The following RASSF9 variants were observed in gnomAD, a reference collection of about 807,000 sequenced individuals.
RASSF9 encodes Ras association domain family member 9.
RASSF9 carries 18 observed loss-of-function variants against 21.4 expected under a neutral mutation model. The observed-to-expected ratio is 0.84, with a 90% CI of 0.58 to 1.25. The LOEUF is 1.25. Ranked by LOEUF, RASSF9 falls within the 50% of genes most tolerant of loss-of-function variation. RASSF9 has a pLI of 0.00. For synonymous variants in RASSF9, 183 were observed against 179.1 expected (o/e 1.02, Z -0.18); for missense variants, 480 against 503.2 (o/e 0.95, Z 0.44).
intron 1 of RASSF9, among the ~76,000 whole-genome samples, chr12:85,818,223 A>T (rs187179883): frequency 8.5e-5 from 13 of 152,356 alleles, no homozygotes; most frequent in Non-Finnish European, 4.4e-5. Flanking sequence ...TAAATGCTTT[A>T]TGCATATAAA....
chr12:85,820,625 A>C (rs1880185671), intron 1 of RASSF9, among the ~76,000 whole-genome samples: 1 of 152,222 alleles, frequency 6.6e-6, no homozygotes, highest in South Asian at 2.1e-4. Flanking sequence ...TGCTAACAAG[A>C]AATTAAATAA....
intron 1 of RASSF9, among the ~76,000 whole-genome samples, chr12:85,806,213 A>T (rs1879830038): frequency 6.8e-6 from 1 of 147,352 alleles, no homozygotes; most frequent in Non-Finnish European, 1.5e-5. Context: ...GGCCCGGCTA[A>T]TTTTTTTTTT....
chr12:85,806,108 G>A, intron 1 of RASSF9, 146 bp from the exon 2 acceptor site: 58 of 795,428 alleles, frequency 7.3e-5, no homozygotes, highest in Non-Finnish European at 9.6e-5. Context: ...GTGCAGTGGT[G>A]CGGTCTCAGC....
At chr12:85,809,412 ATT>A (rs1039770850) in intron 1 of RASSF9, among the ~76,000 whole-genome samples, 12 of 151,998 alleles carry the variant, frequency 7.9e-5, no homozygotes, top group African/African-American at 2.9e-4. Flanking sequence ...GTGTGCAGAA[ATT>A]GTTCTCTTCT....
chr12:85,803,597 A>G lies in RASSF9; in HGVS notation c.*1105T>C, dbSNP rs1209460797. ...AAGAAAGCACATTTCTAATTAAAAC[A>G]CAAGCATAGTAGGCCATAATAATGA... On this transcript the variant is annotated 3_prime_UTR_variant, in exon 2 of 2. Transcript: ENST00000361228. 1 of 152,182 alleles carries G rather than the reference A, an allele frequency of 6.6e-6. No individual in the cohort carries two copies. Among genetic ancestry groups the G allele is most frequent in the Non-Finnish European group, 1.5e-5 (1 of 68,012 alleles). 9.4% of individuals were successfully genotyped at this position (152,182 alleles called of 1,614,324 possible). A position where few individuals can be genotyped will look rare whatever the true frequency, so the allele number is the denominator to read the frequency against.
chr12:85,816,974 C>G (rs1880083412), intron 1 of RASSF9, among the ~76,000 whole-genome samples: 1 of 151,882 alleles, frequency 6.6e-6, no homozygotes, highest in Non-Finnish European at 1.5e-5. Context: ...ATGCCAAGTT[C>G]GGAAATAGAG....
chr12:85,807,953 T>A (rs1323497342), intron 1 of RASSF9, among the ~76,000 whole-genome samples: 1 of 152,122 alleles, frequency 6.6e-6, no homozygotes, highest in Non-Finnish European at 1.5e-5. Flanking sequence ...TATGATGGTA[T>A]AACAGTTTTG....
intron 1 of RASSF9, among the ~76,000 whole-genome samples, chr12:85,824,312 A>G (rs1364743251): frequency 6.6e-6 from 1 of 152,124 alleles, no homozygotes; most frequent in African/African-American, 2.4e-5. Flanking sequence ...GTTTTCCTAA[A>G]CACTTTCCTT....
At position 85,802,465 on chromosome 12, in the gene RASSF9, A is replaced by T. The variant is rs184188154; in HGVS notation, c.*2237T>A. On this transcript the variant is annotated 3_prime_UTR_variant, in exon 2 of 2. Coordinates refer to ENST00000361228, the MANE Select transcript of RASSF9 (RefSeq NM_005447.4). Reference sequence around the variant, plus strand: ...CAAATGGAAATTCTGAAATGAATTTAAAAAGCAATGGTACTGCTTTCTGAG... The same window carrying T: ...CAAATGGAAATTCTGAAATGAATTTTAAAAGCAATGGTACTGCTTTCTGAG... 16 of 152,348 alleles carry T rather than the reference A, an allele frequency of 1.1e-4. No homozygotes were observed. The highest frequency in any genetic ancestry group is 7.2e-4 in the Admixed American group (11 of 15,302). The allele number at this position is 152,348 out of a possible 1,614,324, so 9.4% of individuals were successfully genotyped here.
chr12:85,815,175 G>GA (rs530228710), intron 1 of RASSF9, among the ~76,000 whole-genome samples: 3 of 149,516 alleles, frequency 2.0e-5, no homozygotes, highest in South Asian at 4.2e-4. Flanking sequence ...GAGAGAGAGA[G>GA]AAAAAAAAAC....
Position 85,803,348 on chromosome 12 carries a change from A to G in RASSF9, c.*1354T>C, listed in dbSNP as rs1222253071. On this transcript the variant is annotated 3_prime_UTR_variant, in exon 2 of 2. Coordinates refer to ENST00000361228, the MANE Select transcript of RASSF9 (RefSeq NM_005447.4). ...TATTTCTACTTACATGTGCAGTGAC[A>G]CACAGGAAAGATATCAGCTAAATAA... is the stretch of plus-strand genomic sequence containing the variant. 1 of 152,190 alleles carries G rather than the reference A, an allele frequency of 6.6e-6. No individual in the cohort carries two copies. The highest frequency in any genetic ancestry group is 1.5e-5 in the Non-Finnish European group (1 of 68,028). 9.4% of individuals were successfully genotyped at this position (152,190 alleles called of 1,614,324 possible).
rs951437642 is a variant in RASSF9, at chr12:85,836,273, T to C, written c.-72A>G. ...GGGTGGGGGTGGGGGTGTCTGGATT[T>C]CCAGGGTGAAGGGAGGAGGGCTGGA... On this transcript the variant is annotated 5_prime_UTR_variant, in exon 1 of 2. Transcript: ENST00000361228. The C allele has an allele frequency of 1.3e-6, 2 of 1,530,778 alleles. No individual in the cohort carries two copies. The highest frequency in any genetic ancestry group is 2.4e-5 in the South Asian group (2 of 83,542). 94.8% of individuals were successfully genotyped at this position (1,530,778 alleles called of 1,614,324 possible).
chr12:85,823,163 G>A (rs571329237), intron 1 of RASSF9, among the ~76,000 whole-genome samples: 1 of 143,732 alleles, frequency 7.0e-6, no homozygotes, highest in Non-Finnish European at 1.5e-5. Context: ...TCACACCACT[G>A]CACTCCAGCC....
chr12:85,833,187 A>C (rs1311475355), intron 1 of RASSF9, among the ~76,000 whole-genome samples: 1 of 151,876 alleles, frequency 6.6e-6, no homozygotes, highest in African/African-American at 2.4e-5. Context: ...AATTATATTA[A>C]ATATCAACTA....
intron 1 of RASSF9, among the ~76,000 whole-genome samples, chr12:85,810,337 T>C (rs1472909219): frequency 6.6e-6 from 1 of 151,964 alleles, no homozygotes; most frequent in Non-Finnish European, 1.5e-5. Flanking sequence ...TTCTCTCTTA[T>C]GGTGGGAAAC....
At chr12:85,824,092 C>A (rs1592532432) in intron 1 of RASSF9, among the ~76,000 whole-genome samples, 1 of 152,102 alleles carries the variant, frequency 6.6e-6, no homozygotes, top group African/African-American at 2.4e-5. Context: ...GAGCTCTAGA[C>A]CTATATTCCC....
rs763282494 is a variant in RASSF9, at chr12:85,805,221, A to G, written c.789T>C (p.Ser263=). The part of the protein sequence containing the change: ...ENQTLEDLSE[S]DGIEQLEERL... ...GTTCTTCCAGCTGTTCAATTCCATC[A>G]CTTTCGCTCAGGTCCTCCAGAGTCT... Residue 263 remains serine (S), a synonymous_variant, in exon 2 of 2, where the codon AGT becomes AGC. Coordinates refer to ENST00000361228, the MANE Select transcript of RASSF9 (RefSeq NM_005447.4). The G allele has an allele frequency of 4.3e-6, 7 of 1,613,690 alleles. No individual in the cohort carries two copies. Among genetic ancestry groups the G allele is most frequent in the Non-Finnish European group, 5.9e-6 (7 of 1,179,866 alleles).
At chr12:85,810,162 G>A (rs1430743626) in intron 1 of RASSF9, among the ~76,000 whole-genome samples, 1 of 151,908 alleles carries the variant, frequency 6.6e-6, no homozygotes, top group Admixed American at 6.6e-5. Context: ...CTTTATAGCA[G>A]ACTTAGGATT....
chr12:85,804,796 T>C lies in RASSF9; in HGVS notation c.1214A>G (p.Tyr405Cys). 1 of 1,613,524 alleles carries C rather than the reference T, an allele frequency of 6.2e-7. No homozygotes were observed. The highest frequency in any genetic ancestry group is 8.5e-7 in the Non-Finnish European group (1 of 1,179,462). Residue 405 changes from tyrosine (Y) to cysteine (C), a missense_variant, in exon 2 of 2, where the codon TAC becomes TGC. By Grantham distance (194) the Tyr-to-Cys change is radical (BLOSUM62 -2). Coordinates refer to ENST00000361228, the MANE Select transcript of RASSF9 (RefSeq NM_005447.4). ...PPFTQRVFSN[Y>C]TNDTDSDTGI... Reference sequence around the variant, plus strand: ...AGTGTCCGAGTCTGTGTCATTTGTGTAATTGCTAAATACTCTTTGAGTAAA... The same window carrying C: ...AGTGTCCGAGTCTGTGTCATTTGTGCAATTGCTAAATACTCTTTGAGTAAA...
Sources: gnomAD v4.1 joint callset for allele counts (sites outside exome capture counted in the v4.1 genomes callset) on GRCh38, gnomAD v4.1.1 for gene constraint, MANE v1.5 for transcripts, NCBI Gene and HGNC (gene_info 2026-07-23, HGNC 2026-07-21) for gene names.